Variants in FBRSL1 observed in about 807,000 individuals in gnomAD.
FBRSL1 encodes the protein fibrosin like 1.
FBRSL1 carries 51 observed loss-of-function variants against 89.6 expected under a neutral mutation model. The observed-to-expected ratio is 0.57, with a 90% CI of 0.45 to 0.72. The LOEUF is 0.72. Ranked by LOEUF, FBRSL1 falls within the 30% of genes least tolerant of loss-of-function variation. FBRSL1 has a pLI of 0.00. For missense variants in FBRSL1, 1,618 were observed against 1,451.8 expected (o/e 1.11, Z -1.86); for synonymous variants, 779 against 681.1 (o/e 1.14, Z -2.24).
chr12:132,528,093 C>A, intron 4 of FBRSL1, 105 bp downstream of exon 4: 3 of 1,022,062 alleles, frequency 2.9e-6, no homozygotes, highest in Admixed American at 2.0e-5. Flanking sequence ...ACCCCAGTCC[C>A]GTGCCCGCTT....
intron 1 of FBRSL1, among the ~76,000 whole-genome samples, chr12:132,502,461 C>T (rs577850757): frequency 2.9e-4 from 44 of 152,288 alleles, no homozygotes; most frequent in African/African-American, 6.7e-4. Flanking sequence ...TCCAGTAAAT[C>T]GGAGCTGGAG....
At chr12:132,494,739 GA>G (rs969020692) in intron 1 of FBRSL1, among the ~76,000 whole-genome samples, 2 of 152,244 alleles carry the variant, frequency 1.3e-5, no homozygotes, top group African/African-American at 4.8e-5. Context: ...GGTGCGTGCT[GA>G]AGCTTGAGCT....
In FBRSL1 at chr12:132,521,039, C is replaced by T. The variant is rs1485396714; in HGVS notation, c.490-4695C>T. 5.9e-5 allele frequency among the ~76,000 whole-genome samples: 9 copies of T among 152,232 alleles called. No individual in the cohort carries two copies. In the East Asian group the frequency reaches 1.5e-3, roughly 26 times the overall value. On this transcript the variant is annotated intron_variant, in intron 2 of 18. Coordinates refer to ENST00000680143, the MANE Select transcript of FBRSL1 (RefSeq NM_001367871.1). Reference sequence around the variant, plus strand: ...CTGCCCTGAGCCAGGGAGCTGGACACCCACTGCAGTCCCCTGAGGCTGCTC... The same window carrying T: ...CTGCCCTGAGCCAGGGAGCTGGACATCCACTGCAGTCCCCTGAGGCTGCTC...
intron 5 of FBRSL1, 132 bp downstream of exon 5, chr12:132,548,164 G>A (rs184797705): frequency 2.2e-4 from 250 of 1,112,034 alleles, no homozygotes; most frequent in Non-Finnish European, 2.9e-4. Context: ...CCCGGTGGGT[G>A]CAGGGGGCTT....
chr12:132,567,656 G>A, intron 6 of FBRSL1, 130 bp downstream of exon 6: 1 of 948,178 alleles, frequency 1.1e-6, no homozygotes, highest in Non-Finnish European at 1.6e-6. Flanking sequence ...AGAGCTGGGT[G>A]GGACCAGGGT....
chr12:132,571,428 A>G (rs1566229312), intron 9 of FBRSL1, 197 bp downstream of exon 9: 2 of 1,550,668 alleles, frequency 1.3e-6, no homozygotes, highest in Non-Finnish European at 1.7e-6. Flanking sequence ...ACCAGCACAC[A>G]CACCAGCACA....
Position 132,543,948 on chromosome 12 carries a change from C to T in FBRSL1, c.616-4055C>T, listed in dbSNP as rs1224531050. Among the ~76,000 whole-genome samples the T allele has an allele frequency of 6.6e-5, 10 of 152,290 alleles. No homozygotes were observed. In the East Asian group the frequency reaches 7.7e-4, roughly 12 times the overall value. ...GTGGGGAGCCCTGACTCACGCCTGG[C>T]CTCTGACTCGTGCCGCTGAGTGGTC... On this transcript the variant is annotated intron_variant, in intron 4 of 18. Transcript: ENST00000680143.
Position 132,506,205 on chromosome 12 carries a change from G to A in FBRSL1, c.292-1948G>A, listed in dbSNP as rs569553158. On this transcript the variant is annotated intron_variant, in intron 1 of 18. Transcript: ENST00000680143. The stretch of plus-strand genomic sequence containing the variant: ...TTGGTGTGACTGTGGCCGGGGTGGG[G>A]AGGGAGCTGGAGGGTGGGTCTGTGG... Among the ~76,000 whole-genome samples the A allele has an allele frequency of 2.0e-5, 3 of 152,180 alleles. No homozygotes were observed. In the South Asian group the frequency reaches 6.2e-4, roughly 32 times the overall value.
intron 15 of FBRSL1, among the ~76,000 whole-genome samples, chr12:132,579,768 C>T (rs2040620368): frequency 6.6e-6 from 1 of 152,194 alleles, no homozygotes; most frequent in African/African-American, 2.4e-5. Context: ...AAGGCGCTTT[C>T]CTTTTTTCTG....
chr12:132,542,764 C>T (rs1046149533), intron 4 of FBRSL1, among the ~76,000 whole-genome samples: 1 of 152,284 alleles, frequency 6.6e-6, no homozygotes, highest in Non-Finnish European at 1.5e-5. Context: ...CTGGGAGCAG[C>T]AACCTCAGCG....
At chr12:132,533,632 C>T (rs1184908798) in intron 4 of FBRSL1, among the ~76,000 whole-genome samples, 1 of 152,238 alleles carries the variant, frequency 6.6e-6, no homozygotes, top group African/African-American at 2.4e-5. Flanking sequence ...CCATCTGCAC[C>T]CACCCACATC....
chr12:132,515,186 C>T (rs1222221179), intron 2 of FBRSL1, among the ~76,000 whole-genome samples: 3 of 152,250 alleles, frequency 2.0e-5, no homozygotes, highest in African/African-American at 2.4e-5. Context: ...AGTGTCCTGC[C>T]GAGACCCAGG....
At chr12:132,561,948 A>G (rs2039163163) in intron 5 of FBRSL1, among the ~76,000 whole-genome samples, 1 of 152,140 alleles carries the variant, frequency 6.6e-6, no homozygotes, top group Admixed American at 6.5e-5. Context: ...TGGTGCTGGC[A>G]CTGCTGGGGG....
At chr12:132,577,142 G>A (rs534844226) in intron 15 of FBRSL1, among the ~76,000 whole-genome samples, 1 of 145,446 alleles carries the variant, frequency 6.9e-6, no homozygotes, top group Non-Finnish European at 1.5e-5. Flanking sequence ...CTCCTCTCCT[G>A]TCCTCCCCAC....
intron 1 of FBRSL1, among the ~76,000 whole-genome samples, chr12:132,498,040 G>A (rs1001185265): frequency 6.6e-6 from 1 of 152,194 alleles, no homozygotes; most frequent in Non-Finnish European, 1.5e-5. Flanking sequence ...GGAGAGCTGG[G>A]GGGCCCGTCA....
Position 132,508,025 on chromosome 12 carries a change from C to T in FBRSL1, c.292-128C>T, listed in dbSNP as rs11147301. ...TCCCCCGTCCCACAGCAGCCATCTT[C>T]CTTTCCCTCTGAGGTGCCCCTCCCA... On this transcript the variant is annotated intron_variant, in intron 1 of 18. Coordinates refer to ENST00000680143, the MANE Select transcript of FBRSL1 (RefSeq NM_001367871.1). 7.3e-5 allele frequency: 68 copies of T among 927,284 alleles called. No homozygotes were observed. In the East Asian group the frequency reaches 1.3e-3, roughly 17 times the overall value. 57.4% of individuals were successfully genotyped at this position (927,284 alleles called of 1,614,324 possible).
At position 132,547,985 on chromosome 12, in the gene FBRSL1, GTC is replaced by G; in HGVS notation, c.616-12_616-11del. Reference sequence around the variant, plus strand: ...GTTGGTGGGGCCCCGACTCACTTCTGTCTCTCTGTCCCTGCAGTGTGACAGCG... The same window carrying G: ...GTTGGTGGGGCCCCGACTCACTTCTGTCTCTGTCCCTGCAGTGTGACAGCG... On this transcript the variant is annotated splice_polypyrimidine_tract_variant and intron_variant, in intron 4 of 18. Coordinates refer to ENST00000680143, the MANE Select transcript of FBRSL1 (RefSeq NM_001367871.1). The G allele has an allele frequency of 6.5e-6, 10 of 1,549,764 alleles. No individual in the cohort carries two copies. Among genetic ancestry groups the G allele is most frequent in the Non-Finnish European group, 7.8e-6 (9 of 1,146,500 alleles).
intron 2 of FBRSL1, among the ~76,000 whole-genome samples, chr12:132,524,538 G>A (rs1882303): frequency 0.11 from 16,737 of 152,298 alleles, 1,972 homozygotes; most frequent in East Asian, 0.39. Context: ...TGGCTGCAGC[G>A]AGCCACACCA....
At chr12:132,549,988 G>C (rs902420908) in intron 5 of FBRSL1, among the ~76,000 whole-genome samples, 1 of 152,210 alleles carries the variant, frequency 6.6e-6, no homozygotes, top group African/African-American at 2.4e-5. Flanking sequence ...AGCTCTGGGC[G>C]GTGTCGGGGA....
Sources: allele counts gnomAD v4.1 joint callset (sites outside exome capture counted in the v4.1 genomes callset), GRCh38; gene constraint gnomAD v4.1.1; transcripts MANE v1.5; gene names NCBI Gene and HGNC (gene_info 2026-07-23, HGNC 2026-07-21).